The following SOX5 variants were observed in gnomAD, a reference collection of about 807,000 sequenced individuals.
SOX5 encodes SRY-box transcription factor 5.
A neutral mutation model predicts 92.0 loss-of-function variants in SOX5; 9 were observed. The observed-to-expected ratio is 0.10, with a 90% CI of 0.06 to 0.17. SOX5 has a LOEUF of 0.17. SOX5 is among the 10% of genes least tolerant of loss of function. The pLI, the probability that SOX5 is intolerant of heterozygous loss-of-function variation, is 1.00. For synonymous variants in SOX5, 344 were observed against 336.3 expected, an observed-to-expected ratio of 1.02 and a Z score of -0.25; for missense variants, 642 against 944.5, an observed-to-expected ratio of 0.68 and a Z score of 4.20.
chr12:24,348,286 C>T (rs1953589883), intron 2 of SOX5, among the ~76,000 whole-genome samples: 1 of 152,050 alleles, frequency 6.6e-6, no homozygotes, highest in Non-Finnish European at 1.5e-5. Flanking sequence ...TGTATGTCTA[C>T]TGGTCCTTCT....
intron 1 of SOX5, among the ~76,000 whole-genome samples, chr12:24,484,456 C>G (rs1946316385): frequency 6.6e-6 from 1 of 152,150 alleles, no homozygotes; most frequent in South Asian, 2.1e-4. Context: ...TAATTAGGAA[C>G]ACTGCATTTG....
intron 8 of SOX5, among the ~76,000 whole-genome samples, chr12:23,611,692 G>A (rs533237888): frequency 1.8e-4 from 28 of 152,044 alleles, no homozygotes; most frequent in Non-Finnish European, 4.0e-4. Flanking sequence ...CCAGGAGCCA[G>A]CAGCATATGA....
At chr12:23,585,310 G>A (rs546705451) in intron 9 of SOX5, among the ~76,000 whole-genome samples, 1 of 152,232 alleles carries the variant, frequency 6.6e-6, no homozygotes, top group Admixed American at 6.5e-5. Flanking sequence ...AGAGTTGAAA[G>A]TTTGATGTCC....
At chr12:24,142,646 T>C (rs938650219) in intron 4 of SOX5, among the ~76,000 whole-genome samples, 1 of 151,996 alleles carries the variant, frequency 6.6e-6, no homozygotes, top group Non-Finnish European at 1.5e-5. Flanking sequence ...TTGCAAATAT[T>C]GAACATCAGG....
chr12:23,638,407 G>A (rs2079561070), intron 8 of SOX5: 1 of 152,186 alleles, frequency 6.6e-6, no homozygotes, highest in African/African-American at 2.4e-5. Flanking sequence ...GGAAAGTGAT[G>A]CAGTCTACTC....
intron 7 of SOX5, among the ~76,000 whole-genome samples, chr12:23,646,733 A>T (rs1446237453): frequency 2.6e-5 from 4 of 152,184 alleles, no homozygotes; most frequent in Non-Finnish European, 5.9e-5. Context: ...TTCTTTGCTC[A>T]TTCATAAGAA....
intron 4 of SOX5, among the ~76,000 whole-genome samples, chr12:24,180,224 A>G (rs1413396249): frequency 2.0e-5 from 3 of 152,118 alleles, no homozygotes; most frequent in African/African-American, 4.8e-5. Flanking sequence ...TTGGCTTCCC[A>G]AAGGAATAAG....
At chr12:24,029,725 C>T (rs1249289928) in intron 4 of SOX5, among the ~76,000 whole-genome samples, 1 of 151,892 alleles carries the variant, frequency 6.6e-6, no homozygotes, top group African/African-American at 2.4e-5. Flanking sequence ...AGTCCTTATG[C>T]TCTTTTAAGT....
chr12:24,207,992 CA>C (rs1450914243), intron 4 of SOX5, among the ~76,000 whole-genome samples: 1 of 152,098 alleles, frequency 6.6e-6, no homozygotes, highest in East Asian at 1.9e-4. Context: ...TCAGTAAAAA[CA>C]AACTGCTTTT....
chr12:23,802,274 GTT>G (rs892282338), intron 3 of SOX5, among the ~76,000 whole-genome samples: 1 of 151,908 alleles, frequency 6.6e-6, no homozygotes, highest in Non-Finnish European at 1.5e-5. Flanking sequence ...TAGAGACGGG[GTT>G]TCACCTTGTT....
intron 3 of SOX5, among the ~76,000 whole-genome samples, chr12:23,811,499 C>A (rs1027987162): frequency 6.6e-6 from 1 of 152,028 alleles, no homozygotes; most frequent in African/African-American, 2.4e-5. Context: ...TCTTAGCCAG[C>A]TCTCAATATT....
intron 1 of SOX5, among the ~76,000 whole-genome samples, chr12:24,556,751 A>C (rs1442661772): frequency 1.3e-5 from 2 of 152,218 alleles, no homozygotes; most frequent in East Asian, 3.9e-4. Flanking sequence ...ATATGAATAA[A>C]AGATAGAATT....
chr12:23,548,460 G>A (rs1216042277), intron 11 of SOX5, among the ~76,000 whole-genome samples: 2 of 152,008 alleles, frequency 1.3e-5, no homozygotes, highest in African/African-American at 4.8e-5. Context: ...GGACGTCAGT[G>A]GGACATAGTG....
intron 3 of SOX5, among the ~76,000 whole-genome samples, chr12:23,802,623 T>C (rs1470392404): frequency 1.3e-5 from 2 of 152,084 alleles, no homozygotes; most frequent in Non-Finnish European, 2.9e-5. Flanking sequence ...TGACACCCTC[T>C]AAAAAAATCT....
Position 24,117,925 on chromosome 12 carries a change from A to G in SOX5, c.-2+95418T>C, listed in dbSNP as rs375044365. Among the ~76,000 whole-genome samples, 40 of 150,618 alleles carry G rather than the reference A, an allele frequency of 2.7e-4. No homozygotes were observed. In the East Asian group the frequency reaches 5.8e-3, roughly 22 times the overall value. Reference sequence around the variant, plus strand: ...ATCCCAGATACTCGGAGACCAAGGCAGGAGAATTGCTTGAACCTGGGAGGC... The same window carrying G: ...ATCCCAGATACTCGGAGACCAAGGCGGGAGAATTGCTTGAACCTGGGAGGC... On this transcript the variant is annotated intron_variant, in intron 4 of 4. Transcript: ENST00000446891.
intron 3 of SOX5, among the ~76,000 whole-genome samples, chr12:23,790,685 C>T (rs2095460139): frequency 6.6e-6 from 1 of 152,030 alleles, no homozygotes; most frequent in African/African-American, 2.4e-5. Flanking sequence ...AATCATTCTA[C>T]TTATGACCAG....
rs187164820 is a variant in SOX5 at position 24,027,260 on chromosome 12, A to G, written c.-1-131236T>C. On this transcript the variant is annotated intron_variant, in intron 4 of 4. Coordinates refer to the SOX5 transcript ENST00000446891. Reference sequence around the variant, plus strand: ...CTTTATTTCTGTGTTAATTACTCCAATGACTTCTGGCACCATCTGTATTAA... The same window carrying G: ...CTTTATTTCTGTGTTAATTACTCCAGTGACTTCTGGCACCATCTGTATTAA... Among the ~76,000 whole-genome samples, 3 of 151,900 alleles carry G rather than the reference A, an allele frequency of 2.0e-5. No homozygotes were observed. In the East Asian group the frequency reaches 5.9e-4, roughly 30 times the overall value.
chr12:23,882,823 C>T (rs563767195), intron 2 of SOX5, among the ~76,000 whole-genome samples: 45 of 152,262 alleles, frequency 3.0e-4, no homozygotes, highest in African/African-American at 1.0e-3. Context: ...TGGAGACATT[C>T]ATGAATTCAT....
chr12:23,536,643 G>A lies in SOX5; in HGVS notation c.1798C>T (p.Leu600=), dbSNP rs761762364. 6 of 1,613,918 alleles carry A rather than the reference G, an allele frequency of 3.7e-6. No individual in the cohort carries two copies. Among genetic ancestry groups the A allele is most frequent in the Admixed American group, 1.7e-5 (1 of 60,002 alleles). The stretch of plus-strand genomic sequence containing the variant: ...TCCTCATAATATGGCTGTTTCTCTA[G>A]GTTTGTCATAGCTTTCCAGCGAGAT... ...LGSRWKAMTN[L]EKQPYYEEQA... is the part of the protein sequence containing the mutation. The change falls in exon 14 of 15, where the codon CTA becomes TTA. Residue 600 remains leucine (L), a synonymous_variant. Transcript: ENST00000451604.
Sources: gnomAD v4.1 joint callset for allele counts (sites outside exome capture counted in the v4.1 genomes callset) on GRCh38, gnomAD v4.1.1 for gene constraint, MANE v1.5 for transcripts, NCBI Gene and HGNC (gene_info 2026-07-23, HGNC 2026-07-21) for gene names.